Variants in SLC38A4 observed in about 807,000 individuals in gnomAD.
SLC38A4 encodes the protein solute carrier family 38 member 4, also known as sodium-coupled neutral amino acid transporter 4.
A neutral mutation model predicts 63.1 loss-of-function variants in SLC38A4; 20 were observed. The ratio of observed to expected loss-of-function variants is 0.32; its 90% confidence interval spans 0.22 to 0.46. The LOEUF (loss-of-function observed/expected upper bound fraction) is 0.46. SLC38A4 is among the 20% of genes least tolerant of loss of function. SLC38A4 has a pLI of 1.00. For missense variants in SLC38A4, 526 were observed against 663.6 expected (o/e 0.79, Z 2.28); for synonymous variants, 230 against 225.5 (o/e 1.02, Z -0.18).
rs773266686 is a variant in SLC38A4 at position 46,768,329 on chromosome 12, C to G, written c.1523G>C (p.Arg508Thr). 412 of 1,610,780 alleles carry G rather than the reference C, an allele frequency of 2.6e-4. No individual in the cohort carries two copies. The highest frequency in any genetic ancestry group is 5.9e-4 in the South Asian group (54 of 90,822). ...YLKLVKKETF[R>T]SPQKVGALIF... ...ACTTACCCCGACCTTTTGGGGTGAC[C>G]TAAAAGTTTCTTTCTTGACAAGTTT... The change falls in exon 16 of 17, where the codon AGG becomes ACG. Residue 508 changes from arginine to threonine, a missense_variant. Arg to Thr is a moderately conservative substitution (Grantham distance 71). Coordinates refer to ENST00000266579, the MANE Select transcript of SLC38A4 (RefSeq NM_018018.5).
chr12:46,785,033 T>G (rs1938729252), intron 6 of SLC38A4, 71 bp downstream of exon 6: 1 of 1,211,342 alleles, frequency 8.3e-7, no homozygotes. Flanking sequence ...CCTAAGGTTA[T>G]GAAGCAACAG....
At chr12:46,807,566 C>G (rs1468150456) in intron 1 of SLC38A4, among the ~76,000 whole-genome samples, 11 of 151,828 alleles carry the variant, frequency 7.2e-5, no homozygotes, top group Admixed American at 7.2e-4. Flanking sequence ...AATTTGTGAT[C>G]TTTTTTGATG....
chr12:46,782,306 A>G (rs865942067), intron 7 of SLC38A4, among the ~76,000 whole-genome samples: 115 of 152,176 alleles, frequency 7.6e-4, no homozygotes, highest in African/African-American at 2.7e-3. Context: ...GAAAAATTAG[A>G]AACAATCCAA....
At chr12:46,768,710 C>A (rs1938348698) in intron 15 of SLC38A4, among the ~76,000 whole-genome samples, 2 of 151,956 alleles carry the variant, frequency 1.3e-5, no homozygotes, top group South Asian at 4.1e-4. Flanking sequence ...ACTAAGGTGG[C>A]TGAACTCATG....
At chr12:46,782,812 G>C (rs937651296) in intron 7 of SLC38A4, among the ~76,000 whole-genome samples, 1 of 150,258 alleles carries the variant, frequency 6.7e-6, no homozygotes, top group African/African-American at 2.5e-5. Flanking sequence ...GGAGTACAGT[G>C]ATCTTCCCAA....
chr12:46,823,118 A>G (rs1939584384), intron 1 of SLC38A4, among the ~76,000 whole-genome samples: 1 of 152,218 alleles, frequency 6.6e-6, no homozygotes, highest in African/African-American at 2.4e-5. Context: ...GTTGAGCATC[A>G]TAGTCAATAT....
rs1326707041 is a variant in SLC38A4 at position 46,779,952 on chromosome 12, G to A, written c.572C>T (p.Thr191Ile). Residue 191 changes from threonine to isoleucine, a missense_variant, in exon 8 of 17, where the codon ACT becomes ATT. Thr to Ile is a moderately conservative substitution (Grantham distance 89, BLOSUM62 -1). Coordinates refer to ENST00000266579, the MANE Select transcript of SLC38A4 (RefSeq NM_018018.5). Reference protein sequence around the residue: ...IRAFMGLEENTGEWYLNGNYL... With the variant: ...IRAFMGLEENIGEWYLNGNYL... ...ACAGAGGGAGCATAAGACATACCCA[G>A]TATTTTCTTCAAGTCCCATGAATGC... 3 of 1,611,752 alleles carry A rather than the reference G, an allele frequency of 1.9e-6. No homozygotes were observed. Among genetic ancestry groups the A allele is most frequent in the South Asian group, 2.2e-5 (2 of 91,022 alleles).
upstream of SLC38A4, among the ~76,000 whole-genome samples, chr12:46,830,298 TCA>T (rs10597523): frequency 0.033 from 4,878 of 147,800 alleles, 156 homozygotes; most frequent in African/African-American, 0.088. Context: ...TCTCTCTCTC[TCA>T]CACACACACA....
At chr12:46,829,008 T>C (rs1437958231), upstream of SLC38A4, among the ~76,000 whole-genome samples, 1 of 152,218 alleles carries the variant, frequency 6.6e-6, no homozygotes, top group Non-Finnish European at 1.5e-5. Flanking sequence ...ATTTTACTGC[T>C]GTCTTTATTG....
chr12:46,809,422 C>T (rs1163506103), intron 1 of SLC38A4, among the ~76,000 whole-genome samples: 3 of 152,026 alleles, frequency 2.0e-5, no homozygotes, highest in African/African-American at 4.8e-5. Context: ...GGAGGATTTC[C>T]GAGTCAGGTC....
At position 46,792,987 on chromosome 12, in the gene SLC38A4, C is replaced by T. The variant is rs2429467; in HGVS notation, c.85G>A (p.Gly29Arg). ...SGESAPDSYI[G>R]IGNSEKAAMS... ...GCTGCCTTTTCTGAATTTCCTATCC[C>T]GATGTAGCTATCTGGAGCACTTTCT... Residue 29 changes from glycine to arginine, a missense_variant, in exon 3 of 17, where the codon GGG (glycine) becomes AGG (arginine). By Grantham distance (125) the Gly-to-Arg change is moderately radical. Transcript: ENST00000266579. 0.071 allele frequency: 113,863 copies of T among 1,612,856 alleles called. 7,685 individuals carry two copies. Among genetic ancestry groups the T allele is most frequent in the East Asian group, 0.26 (11,531 of 44,796 alleles).
At chr12:46,794,385 C>T (rs1938957604) in intron 2 of SLC38A4, among the ~76,000 whole-genome samples, 1 of 151,698 alleles carries the variant, frequency 6.6e-6, no homozygotes, top group Non-Finnish European at 1.5e-5. Context: ...CTACAAATAA[C>T]AAAGCAATTT....
chr12:46,800,864 G>A (rs1939118269), intron 2 of SLC38A4, among the ~76,000 whole-genome samples: 1 of 152,058 alleles, frequency 6.6e-6, no homozygotes, highest in Admixed American at 6.6e-5. Context: ...TTTGATTATA[G>A]TTTTATAGGA....
intron 1 of SLC38A4, among the ~76,000 whole-genome samples, chr12:46,810,697 C>CT (rs1939323295): frequency 6.6e-6 from 1 of 151,582 alleles, no homozygotes; most frequent in South Asian, 2.1e-4. Context: ...TATTTGCCGG[C>CT]TAACCTTTAA....
At chr12:46,785,001 A>G in intron 6 of SLC38A4, 103 bp downstream of exon 6, 1 of 1,016,166 alleles carries the variant, frequency 9.8e-7, no homozygotes, top group South Asian at 1.4e-5. Context: ...AGAAAATGAA[A>G]TGTGAAACTG....
intron 2 of SLC38A4, among the ~76,000 whole-genome samples, chr12:46,801,820 A>G (rs1939137321): frequency 6.6e-6 from 1 of 152,070 alleles, no homozygotes; most frequent in African/African-American, 2.4e-5. Context: ...TTGTTGGTCT[A>G]TAGCATGAGT....
chr12:46,815,304 C>CAA (rs1939421784), intron 1 of SLC38A4, among the ~76,000 whole-genome samples: 1 of 146,524 alleles, frequency 6.8e-6, no homozygotes, highest in Admixed American at 6.8e-5. Flanking sequence ...CACACACACA[C>CAA]ACACAGAGAT....
At chr12:46,792,716 A>G (rs1033303323) in intron 3 of SLC38A4, among the ~76,000 whole-genome samples, 2 of 152,146 alleles carry the variant, frequency 1.3e-5, no homozygotes, top group Non-Finnish European at 2.9e-5. Context: ...AATAATTAAA[A>G]TTATTACACA....
chr12:46,825,907 G>A lies in SLC38A4; in HGVS notation c.-309C>T, dbSNP rs961368107. ...ACGCAAAAGCAGCAAGCAAACCTGT[G>A]TGAGTGGGGTGTCCCGAGGCGGCAG... On this transcript the variant is annotated 5_prime_UTR_variant, in exon 1 of 17. Transcript: ENST00000266579. 6 of 152,442 alleles carry A rather than the reference G, an allele frequency of 3.9e-5. No homozygotes were observed. Among genetic ancestry groups the A allele is most frequent in the Non-Finnish European group, 8.8e-5 (6 of 68,208 alleles). 9.4% of individuals were successfully genotyped at this position (152,442 alleles called of 1,614,324 possible). A position where few individuals can be genotyped will look rare whatever the true frequency, so the allele number is the denominator to read the frequency against.
Sources: allele counts gnomAD v4.1 joint callset (sites outside exome capture counted in the v4.1 genomes callset), GRCh38; gene constraint gnomAD v4.1.1; transcripts MANE v1.5; gene names NCBI Gene and HGNC (gene_info 2026-07-23, HGNC 2026-07-21).